PPARGC1A: variants seen among roughly 807,000 people sequenced by gnomAD.
PPARGC1A encodes peroxisome proliferator-activated receptor gamma coactivator 1-alpha.
A neutral mutation model predicts 88.7 loss-of-function variants in PPARGC1A; 25 were observed. The ratio of observed to expected loss-of-function variants is 0.28; its 90% CI spans 0.21 to 0.39. PPARGC1A has a LOEUF of 0.39. Ranked by LOEUF, PPARGC1A falls within the 10% of genes least tolerant of loss-of-function variation. The pLI is 1.00. For synonymous variants in PPARGC1A, 363 were observed against 355.6 expected (o/e 1.02, Z -0.24); for missense variants, 880 against 968.7 (o/e 0.91, Z 1.22).
the PPARGC1A span, among the ~76,000 whole-genome samples, chr4:24,316,894 C>G: frequency 2.0e-5 from 3 of 152,188 alleles, no homozygotes; most frequent in Non-Finnish European, 2.9e-5. Flanking sequence ...CTACAAATCT[C>G]CCTACCTTCC....
the PPARGC1A span, among the ~76,000 whole-genome samples, chr4:24,228,681 AG>A: frequency 6.6e-6 from 1 of 152,196 alleles, no homozygotes; most frequent in African/African-American, 2.4e-5. Context: ...AAACCCAGGT[AG>A]GGAATAAAGG....
At chr4:23,960,611 T>C in the PPARGC1A span, among the ~76,000 whole-genome samples, 1 of 152,066 alleles carries the variant, frequency 6.6e-6, no homozygotes, top group Non-Finnish European at 1.5e-5. Flanking sequence ...CCTGTGAAAA[T>C]GACTACAAGG....
the PPARGC1A span, among the ~76,000 whole-genome samples, chr4:24,140,529 C>T: frequency 6.6e-6 from 1 of 152,166 alleles, no homozygotes; most frequent in Non-Finnish European, 1.5e-5. Flanking sequence ...GATGATAATA[C>T]ACTCTGCCCT....
At chr4:24,175,597 A>G in the PPARGC1A span, among the ~76,000 whole-genome samples, 1 of 129,272 alleles carries the variant, frequency 7.7e-6, no homozygotes, top group South Asian at 2.5e-4. Flanking sequence ...CACACTGGCC[A>G]GACTGGTCTC....
the PPARGC1A span, among the ~76,000 whole-genome samples, chr4:24,192,056 G>A: frequency 6.6e-6 from 1 of 152,290 alleles, no homozygotes; most frequent in Non-Finnish European, 1.5e-5. Context: ...AAGTTTATAT[G>A]TTTGATCCAT....
At chr4:24,279,663 A>G in the PPARGC1A span, among the ~76,000 whole-genome samples, 1 of 152,180 alleles carries the variant, frequency 6.6e-6, no homozygotes, top group Non-Finnish European at 1.5e-5. Context: ...GATGGTGACA[A>G]AGCTCCACTG....
intron 1 of PPARGC1A, among the ~76,000 whole-genome samples, chr4:23,888,673 CA>C (rs1717310995): frequency 6.6e-6 from 1 of 152,212 alleles, no homozygotes; most frequent in Non-Finnish European, 1.5e-5. Context: ...CCAACATTTG[CA>C]AACCCAGCAA....
chr4:23,904,003 T>G, upstream of PPARGC1A: 1 of 965,052 alleles, frequency 1.0e-6, no homozygotes, highest in Non-Finnish European at 1.2e-6. Context: ...CTTTCAAAAT[T>G]GAATCCATAG....
chr4:24,392,905 T>C, the PPARGC1A span, among the ~76,000 whole-genome samples: 1 of 152,130 alleles, frequency 6.6e-6, no homozygotes, highest in Non-Finnish European at 1.5e-5. Context: ...TCTTTCTGCT[T>C]AGATTACCAT....
chr4:23,816,230 C>T (rs1415043431), intron 7 of PPARGC1A, among the ~76,000 whole-genome samples: 1 of 152,126 alleles, frequency 6.6e-6, no homozygotes, highest in Non-Finnish European at 1.5e-5. Flanking sequence ...CATGGTCACA[C>T]CTGAGTCTCA....
the PPARGC1A span, among the ~76,000 whole-genome samples, chr4:24,349,675 G>A: frequency 6.6e-6 from 1 of 152,178 alleles, no homozygotes; most frequent in Non-Finnish European, 1.5e-5. Context: ...CCCCAAGTCT[G>A]TTTCCAGGTA....
At chr4:23,888,483 A>C (rs1402847086) in intron 1 of PPARGC1A, among the ~76,000 whole-genome samples, 1 of 152,158 alleles carries the variant, frequency 6.6e-6, no homozygotes, top group Non-Finnish European at 1.5e-5. Context: ...ACAACCACCC[A>C]CAGGACACTC....
the PPARGC1A span, among the ~76,000 whole-genome samples, chr4:23,922,601 C>T: frequency 6.6e-6 from 1 of 152,284 alleles, no homozygotes; most frequent in Middle Eastern, 3.4e-3. Flanking sequence ...CTTTAACTTT[C>T]TGGGTCTGAG....
At chr4:24,193,021 G>GA in the PPARGC1A span, among the ~76,000 whole-genome samples, 3 of 152,150 alleles carry the variant, frequency 2.0e-5, no homozygotes, top group Non-Finnish European at 4.4e-5. Context: ...GAGAAAGCAA[G>GA]AGGAGATATC....
the PPARGC1A span, among the ~76,000 whole-genome samples, chr4:23,963,862 C>G: frequency 0.023 from 3,466 of 152,130 alleles, 127 homozygotes; most frequent in African/African-American, 0.079. Flanking sequence ...AAGGAAGGAT[C>G]GGCCAGGGAG....
the PPARGC1A span, among the ~76,000 whole-genome samples, chr4:24,322,051 T>C: frequency 3.3e-5 from 5 of 152,234 alleles, no homozygotes; most frequent in African/African-American, 1.2e-4. Context: ...TTTTAGAACA[T>C]AGCTTCCCCA....
chr4:23,901,438 G>T (rs929100120), upstream of PPARGC1A, among the ~76,000 whole-genome samples: 1 of 151,370 alleles, frequency 6.6e-6, no homozygotes. Flanking sequence ...CAGCTACTCG[G>T]GAGGCTGAGG....
chr4:24,050,337 A>G, the PPARGC1A span, among the ~76,000 whole-genome samples: 2 of 151,666 alleles, frequency 1.3e-5, no homozygotes, highest in African/African-American at 4.8e-5. Flanking sequence ...CTGGAATTAC[A>G]GGCGCCCATC....
At chr4:23,973,612 G>A in the PPARGC1A span, among the ~76,000 whole-genome samples, 1 of 152,114 alleles carries the variant, frequency 6.6e-6, no homozygotes, top group Non-Finnish European at 1.5e-5. Flanking sequence ...TGCCTTAACG[G>A]AAGTGAATTC....
Sources: gnomAD v4.1 joint callset for allele counts (sites outside exome capture counted in the v4.1 genomes callset) on GRCh38, gnomAD v4.1.1 for gene constraint, MANE v1.5 for transcripts, NCBI Gene and HGNC (gene_info 2026-07-23, HGNC 2026-07-21) for gene names.